The following LIN28B variants were observed in gnomAD, a reference collection of about 807,000 sequenced individuals.
LIN28B encodes lin-28 RNA binding posttranscriptional regulator B.
Under a neutral mutation model 21.9 loss-of-function variants are expected in LIN28B, and 5 were observed. The ratio of observed to expected loss-of-function variants is 0.23; its 90% confidence interval spans 0.12 to 0.48. The LOEUF (loss-of-function observed/expected upper bound fraction) is 0.48, where lower values mean the gene tolerates loss of function less well. Among genes scored for constraint, LIN28B ranks in the 20% least tolerant of loss-of-function variants. The probability of loss-of-function intolerance (pLI) is 0.98; values close to 1 mark genes in which losing one functional copy is unlikely to be tolerated. For synonymous variants in LIN28B, 109 were observed against 111.3 expected (o/e 0.98, Z 0.13); for missense variants, 245 against 310.5 (o/e 0.79, Z 1.58).
rs192757900 is a variant in LIN28B, at chr6:104,965,786, A to C, written c.198+7500A>C. 2.7e-4 allele frequency among the ~76,000 whole-genome samples: 41 copies of C among 152,302 alleles called. No homozygotes were observed. In the East Asian group the frequency reaches 5.6e-3, roughly 21 times the overall value. ...AATAATTGTTGTAACATAAGATTTT[A>C]CCTGTGTAAGATTTTACCTGTGTAC... On this transcript the variant is annotated intron_variant, in intron 2 of 3. Coordinates refer to ENST00000345080, the MANE Select transcript of LIN28B (RefSeq NM_001004317.4).
intron 3 of LIN28B, among the ~76,000 whole-genome samples, chr6:105,061,934 C>G (rs1772128216): frequency 6.6e-6 from 1 of 151,826 alleles, no homozygotes; most frequent in Admixed American, 6.6e-5. Flanking sequence ...TAATATTCTG[C>G]TCAGTAGTCT....
intron 2 of LIN28B, among the ~76,000 whole-genome samples, chr6:104,995,428 TG>T (rs1176245969): frequency 6.6e-6 from 1 of 151,976 alleles, no homozygotes. Flanking sequence ...TCCTCAGATT[TG>T]GGGGGGCCAG....
intron 2 of LIN28B, among the ~76,000 whole-genome samples, chr6:104,984,211 A>G (rs1322961452): frequency 2.0e-5 from 3 of 152,246 alleles, no homozygotes; most frequent in South Asian, 2.1e-4. Flanking sequence ...CGTTTAAAAA[A>G]ATAGGTGATT....
intron 3 of LIN28B, among the ~76,000 whole-genome samples, chr6:105,060,098 T>A (rs1430820578): frequency 6.6e-6 from 1 of 152,154 alleles, no homozygotes; most frequent in Admixed American, 6.5e-5. Flanking sequence ...AGACAGGGCT[T>A]CTCCATGTTG....
chr6:104,996,064 C>T (rs1018659345), intron 2 of LIN28B, among the ~76,000 whole-genome samples: 4 of 151,896 alleles, frequency 2.6e-5, no homozygotes, highest in African/African-American at 7.3e-5. Flanking sequence ...GTGTGAGACA[C>T]GGCACATCAT....
At chr6:105,048,995 G>C (rs1383291047) in intron 3 of LIN28B, among the ~76,000 whole-genome samples, 2 of 152,054 alleles carry the variant, frequency 1.3e-5, no homozygotes, top group African/African-American at 2.4e-5. Context: ...GTTTTGAAGG[G>C]TTTTTTGTGT....
intron 2 of LIN28B, among the ~76,000 whole-genome samples, chr6:104,966,997 C>T (rs965540156): frequency 1.3e-5 from 2 of 152,014 alleles, no homozygotes; most frequent in Non-Finnish European, 2.9e-5. Context: ...AACTCCTGGG[C>T]TCAAGGGATC....
rs1769619328 is a variant in LIN28B at position 104,958,268 on chromosome 6, C to T, written c.180C>T (p.Val60=). The change falls in exon 2 of 4, where the codon GTC becomes GTT. Residue 60 remains valine (V), a synonymous_variant. Transcript: ENST00000345080. The stretch of plus-strand genomic sequence containing the variant: ...AGGGAAGCCCCTTGGATATTCCAGT[C>T]GATGTATTTGTACACCAAGTAAGCC... ...NREGSPLDIP[V]DVFVHQSKLF... is the part of the protein sequence containing the mutation. The T allele has an allele frequency of 1.9e-6, 3 of 1,562,784 alleles. No homozygotes were observed. Among genetic ancestry groups the T allele is most frequent in the Non-Finnish European group, 2.6e-6 (3 of 1,144,152 alleles).
At chr6:104,954,393 A>G (rs907389656), upstream of LIN28B, among the ~76,000 whole-genome samples, 4 of 152,168 alleles carry the variant, frequency 2.6e-5, no homozygotes, top group African/African-American at 9.6e-5. Flanking sequence ...AAGGCACAGA[A>G]AAAACAGTGC....
At chr6:105,028,892 C>A (rs775350129) in intron 3 of LIN28B, among the ~76,000 whole-genome samples, 6 of 152,040 alleles carry the variant, frequency 3.9e-5, no homozygotes, top group African/African-American at 9.7e-5. Flanking sequence ...GGCACTCTAG[C>A]ATTTAAGAGT....
At chr6:104,953,764 T>A (rs1582860742), upstream of LIN28B, among the ~76,000 whole-genome samples, 3 of 152,180 alleles carry the variant, frequency 2.0e-5, no homozygotes, top group South Asian at 6.2e-4. Context: ...CGGGTTGCGA[T>A]GGCAGCGCTG....
chr6:104,985,404 G>A (rs773144414), intron 2 of LIN28B, among the ~76,000 whole-genome samples: 1 of 152,142 alleles, frequency 6.6e-6, no homozygotes, highest in African/African-American at 2.4e-5. Context: ...TTAACAAGGT[G>A]TGTTTGTTCG....
chr6:104,974,715 A>G (rs758012154), intron 2 of LIN28B, among the ~76,000 whole-genome samples: 45 of 151,998 alleles, frequency 3.0e-4, no homozygotes, highest in Non-Finnish European at 5.1e-4. Flanking sequence ...CAGTATGGTT[A>G]TGAATCTCAC....
intron 2 of LIN28B, among the ~76,000 whole-genome samples, chr6:104,986,398 C>G (rs897860845): frequency 1.3e-5 from 2 of 151,934 alleles, no homozygotes; most frequent in African/African-American, 2.4e-5. Context: ...CATTAGATTC[C>G]CAATTATTGT....
intron 2 of LIN28B, among the ~76,000 whole-genome samples, chr6:104,969,088 T>G (rs1002145144): frequency 6.6e-6 from 1 of 151,070 alleles, no homozygotes; most frequent in African/African-American, 2.4e-5. Context: ...AAGCCATACA[T>G]TTTTTTTTAA....
At chr6:105,061,598 T>A (rs1446051245) in intron 3 of LIN28B, among the ~76,000 whole-genome samples, 1 of 144,974 alleles carries the variant, frequency 6.9e-6, no homozygotes, top group Non-Finnish European at 1.5e-5. Flanking sequence ...CACCTACCAT[T>A]TATATATGGA....
chr6:105,060,484 T>C (rs1441429106), intron 3 of LIN28B, among the ~76,000 whole-genome samples: 1 of 152,170 alleles, frequency 6.6e-6, no homozygotes, highest in Admixed American at 6.5e-5. Context: ...GTAATATAAA[T>C]AGGGTCACAG....
chr6:104,968,085 C>T (rs1246480623), intron 2 of LIN28B, among the ~76,000 whole-genome samples: 2 of 152,130 alleles, frequency 1.3e-5, no homozygotes, highest in South Asian at 2.1e-4. Flanking sequence ...TTATAAAAAT[C>T]GTGGTTCAGT....
intron 3 of LIN28B, among the ~76,000 whole-genome samples, chr6:105,055,268 CATCTGAGATTCTAAT>C (rs1772000169): frequency 6.6e-6 from 1 of 152,148 alleles, no homozygotes; most frequent in African/African-American, 2.4e-5. Context: ...CTCTCTTCTT[CATCTGAGATTCTAAT>C]TACATATATG....
Sources: allele counts gnomAD v4.1 joint callset (sites outside exome capture counted in the v4.1 genomes callset), GRCh38; gene constraint gnomAD v4.1.1; transcripts MANE v1.5; gene names NCBI Gene and HGNC (gene_info 2026-07-23, HGNC 2026-07-21).